The following ITPR2 variants were observed in gnomAD, a reference collection of about 807,000 sequenced individuals.
ITPR2 encodes inositol 1,4,5-trisphosphate-gated calcium channel ITPR2.
A neutral mutation model predicts 317.1 loss-of-function variants in ITPR2; 207 were observed. The ratio of observed to expected loss-of-function variants is 0.65; its 90% CI spans 0.58 to 0.73. The LOEUF is 0.73. Among genes scored for constraint, ITPR2 ranks in the 30% least tolerant of loss-of-function variants. ITPR2 has a pLI of 0.00. For missense variants in ITPR2, 2,613 were observed against 3,284.0 expected, an observed-to-expected ratio of 0.80 and a Z score of 4.99; for synonymous variants, 1,156 against 1,149.1, an observed-to-expected ratio of 1.01 and a Z score of -0.12.
At position 26,726,290 on chromosome 12, in the gene ITPR2, CAT is replaced by C. The variant is rs538003118; in HGVS notation, c.164-527_164-526del. Reference sequence around the variant, plus strand: ...GAAAGACAATATGATATGATGGAAACATAAAGCAAAACAAAACACCTAAACCA... The same window carrying C: ...GAAAGACAATATGATATGATGGAAACAAAGCAAAACAAAACACCTAAACCA... On this transcript the variant is annotated intron_variant, in intron 2 of 56. Coordinates refer to ENST00000381340, the MANE Select transcript of ITPR2 (RefSeq NM_002223.4). Among the ~76,000 whole-genome samples, 14 of 152,190 alleles carry C rather than the reference CAT, an allele frequency of 9.2e-5. 1 individual carries two copies. In the South Asian group the frequency reaches 2.7e-3, roughly 29 times the overall value.
At chr12:26,664,571 G>A (rs1947578222) in intron 14 of ITPR2, among the ~76,000 whole-genome samples, 1 of 152,198 alleles carries the variant, frequency 6.6e-6, no homozygotes, top group African/African-American at 2.4e-5. Flanking sequence ...CTATGAAAGA[G>A]CGGTCAAGGG....
chr12:26,710,585 T>G (rs1948628136), intron 9 of ITPR2, among the ~76,000 whole-genome samples: 1 of 152,270 alleles, frequency 6.6e-6, no homozygotes, highest in African/African-American at 2.4e-5. Context: ...TTAAAACATT[T>G]GTAAAACTTC....
At chr12:26,356,347 G>T (rs1467240652) in intron 55 of ITPR2, among the ~76,000 whole-genome samples, 2 of 152,186 alleles carry the variant, frequency 1.3e-5, no homozygotes, top group African/African-American at 4.8e-5. Flanking sequence ...GAGAAGAAAT[G>T]AAGTAATGCC....
chr12:26,784,871 G>T (rs1383544657), intron 2 of ITPR2, among the ~76,000 whole-genome samples: 2 of 128,542 alleles, frequency 1.6e-5, no homozygotes, highest in South Asian at 2.6e-4. Flanking sequence ...GTCTCTGCCC[G>T]GCCGCCATCC....
At chr12:26,469,561 T>G (rs1369930473) in intron 45 of ITPR2, among the ~76,000 whole-genome samples, 1 of 152,186 alleles carries the variant, frequency 6.6e-6, no homozygotes. Flanking sequence ...CAGGATCTAT[T>G]CTTATTCACT....
At chr12:26,418,749 G>C (rs1239911682) in intron 50 of ITPR2, among the ~76,000 whole-genome samples, 1 of 152,006 alleles carries the variant, frequency 6.6e-6, no homozygotes, top group African/African-American at 2.4e-5. Context: ...AAATGTAAAG[G>C]GAAATATTAG....
intron 2 of ITPR2, among the ~76,000 whole-genome samples, chr12:26,774,565 G>GT (rs1705359654): frequency 6.6e-6 from 1 of 152,220 alleles, no homozygotes. Context: ...TAAACACTGT[G>GT]TTTGATCTTG....
intron 54 of ITPR2, among the ~76,000 whole-genome samples, chr12:26,388,518 G>A (rs984898268): frequency 2.0e-5 from 3 of 151,992 alleles, no homozygotes; most frequent in African/African-American, 7.3e-5. Context: ...AGGCTGGAGT[G>A]CAGTGGCTCA....
chr12:26,503,049 G>A (rs1184924094), intron 37 of ITPR2, among the ~76,000 whole-genome samples: 1 of 152,060 alleles, frequency 6.6e-6, no homozygotes, highest in Admixed American at 6.6e-5. Flanking sequence ...CTCAACAGTA[G>A]TGCAGTCCTT....
intron 2 of ITPR2, among the ~76,000 whole-genome samples, chr12:26,727,181 C>T (rs1948943824): frequency 6.6e-6 from 1 of 152,166 alleles, no homozygotes; most frequent in Non-Finnish European, 1.5e-5. Context: ...AAGTTATTTC[C>T]TGTATCTTAG....
Position 26,517,067 on chromosome 12 carries a change from GT to G in ITPR2, c.5074-21808del, listed in dbSNP as rs542896677. Among the ~76,000 whole-genome samples, 88 of 152,048 alleles carry G rather than the reference GT, an allele frequency of 5.8e-4. 1 individual carries two copies. The highest frequency in any genetic ancestry group is 2.1e-3 in the Admixed American group (32 of 15,278). On this transcript the variant is annotated intron_variant, in intron 37 of 56. Transcript: ENST00000381340. The stretch of plus-strand genomic sequence containing the variant: ...TGACAAGTAAGAAAACTAGGAACTA[GT>G]TTTTTAAACTTCAAAAGATCCCTTG...
intron 37 of ITPR2, among the ~76,000 whole-genome samples, chr12:26,527,961 C>T (rs977818227): frequency 6.6e-6 from 1 of 152,118 alleles, no homozygotes; most frequent in African/African-American, 2.4e-5. Flanking sequence ...AAGGGAAGCG[C>T]CTTATGTGAC....
rs1940432573 is a variant in ITPR2, at chr12:26,408,498, G to C, written c.7399+2822C>G. ...AGCCTAACATTTACAGGATTACACA[G>C]AGCTGGGCAGCCAACCATCCTGGGA... On this transcript the variant is annotated intron_variant, in intron 52 of 56. Transcript: ENST00000381340. Among the ~76,000 whole-genome samples the C allele has an allele frequency of 2.6e-5, 4 of 152,286 alleles. No individual in the cohort carries two copies. In the South Asian group the frequency reaches 6.2e-4, roughly 24 times the overall value.
At chr12:26,518,269 C>T (rs562048095) in intron 37 of ITPR2, among the ~76,000 whole-genome samples, 1 of 152,140 alleles carries the variant, frequency 6.6e-6, no homozygotes, top group South Asian at 2.1e-4. Flanking sequence ...AACACAGGAA[C>T]AGAAAACCAA....
intron 15 of ITPR2, among the ~76,000 whole-genome samples, chr12:26,660,510 C>T (rs1947472962): frequency 6.6e-6 from 1 of 152,200 alleles, no homozygotes; most frequent in African/African-American, 2.4e-5. Flanking sequence ...TCTGACAAGA[C>T]AACTGATAGA....
intron 43 of ITPR2, among the ~76,000 whole-genome samples, chr12:26,480,024 T>G (rs1429258318): frequency 6.6e-6 from 1 of 152,228 alleles, no homozygotes; most frequent in East Asian, 1.9e-4. Context: ...GAAACAGGAT[T>G]AGAAAAATAT....
At chr12:26,708,399 T>C (rs1234449941) in intron 9 of ITPR2, among the ~76,000 whole-genome samples, 2 of 152,188 alleles carry the variant, frequency 1.3e-5, no homozygotes, top group South Asian at 2.1e-4. Context: ...CTGTTCACAG[T>C]GGAATATTAT....
intron 45 of ITPR2, among the ~76,000 whole-genome samples, chr12:26,463,994 A>C (rs1366059777): frequency 6.6e-6 from 1 of 152,152 alleles, no homozygotes; most frequent in African/African-American, 2.4e-5. Flanking sequence ...TCTAAATCTT[A>C]TCAATCCATA....
At chr12:26,388,377 A>G (rs1939727878) in intron 54 of ITPR2, among the ~76,000 whole-genome samples, 1 of 152,224 alleles carries the variant, frequency 6.6e-6, no homozygotes, top group Admixed American at 6.5e-5. Flanking sequence ...CAGATACTGA[A>G]GAAGAAACCA....
Sources: allele counts gnomAD v4.1 joint callset (sites outside exome capture counted in the v4.1 genomes callset), GRCh38; gene constraint gnomAD v4.1.1; transcripts MANE v1.5; gene names NCBI Gene and HGNC (gene_info 2026-07-23, HGNC 2026-07-21).